Variants in ADAMTS17 observed in about 807,000 individuals in gnomAD.
ADAMTS17 encodes the protein ADAM metallopeptidase with thrombospondin type 1 motif 17.
In ADAMTS17, 113 loss-of-function variants were observed where a neutral mutation model predicts 141.5. That is an observed-to-expected ratio of 0.80 (90% CI 0.69 to 0.93). The LOEUF is 0.93. ADAMTS17 is among the 40% of genes least tolerant of loss of function. The pLI is 0.00. For missense variants in ADAMTS17, 1,659 were observed against 1,517.9 expected (o/e 1.09, Z -1.54); for synonymous variants, 768 against 630.6 (o/e 1.22, Z -3.27).
At chr15:100,040,485 A>C (rs1457350347) in intron 18 of ADAMTS17, among the ~76,000 whole-genome samples, 5 of 152,314 alleles carry the variant, frequency 3.3e-5, no homozygotes, top group Non-Finnish European at 7.4e-5. Flanking sequence ...AGTCAAATGG[A>C]AACATCAAGT....
At chr15:100,318,386 T>TG (rs1187397617) in intron 3 of ADAMTS17, among the ~76,000 whole-genome samples, 1 of 151,826 alleles carries the variant, frequency 6.6e-6, no homozygotes, top group Non-Finnish European at 1.5e-5. Flanking sequence ...GTGAAGCCTT[T>TG]GGGAGGTGAT....
intron 8 of ADAMTS17, among the ~76,000 whole-genome samples, chr15:100,166,030 A>T (rs2039938616): frequency 1.3e-5 from 2 of 152,202 alleles, no homozygotes; most frequent in African/African-American, 2.4e-5. Context: ...GAGAAATCAC[A>T]TCATTAGAAG....
chr15:100,001,172 G>T (rs1412156799), intron 18 of ADAMTS17, among the ~76,000 whole-genome samples: 1 of 152,184 alleles, frequency 6.6e-6, no homozygotes, highest in Non-Finnish European at 1.5e-5. Flanking sequence ...GCTCTCCCCA[G>T]GGTGAGAATG....
chr15:100,036,694 A>C (rs1378530394), intron 18 of ADAMTS17, among the ~76,000 whole-genome samples: 1 of 152,196 alleles, frequency 6.6e-6, no homozygotes, highest in African/African-American at 2.4e-5. Flanking sequence ...TTATTACAAC[A>C]AAAGAAATCC....
At chr15:100,236,554 C>A (rs536966125) in intron 7 of ADAMTS17, among the ~76,000 whole-genome samples, 8 of 151,816 alleles carry the variant, frequency 5.3e-5, no homozygotes, top group African/African-American at 1.7e-4. Context: ...AACAAACAAA[C>A]AAAAAAACGG....
chr15:100,155,030 G>T, intron 9 of ADAMTS17, 150 bp downstream of exon 9: 1 of 1,112,458 alleles, frequency 9.0e-7, no homozygotes, highest in African/African-American at 1.5e-5. Context: ...TGCCATTATA[G>T]GACACTCTGC....
In ADAMTS17 at chr15:100,246,548, C is replaced by T. The variant is rs4602021; in HGVS notation, c.1075+7588G>A. ...TTGGAACAACGAATATGTAATTAAG[C>T]CTTCCCCTTTGTAACCTTCTCAGAG... On this transcript the variant is annotated intron_variant, in intron 7 of 21. Coordinates refer to ENST00000268070, the MANE Select transcript of ADAMTS17 (RefSeq NM_139057.4). 1.9e-3 allele frequency among the ~76,000 whole-genome samples: 291 copies of T among 152,270 alleles called. 7 individuals carry two copies. The East Asian group carries it at 0.048, about 25-fold the overall frequency.
intron 18 of ADAMTS17, among the ~76,000 whole-genome samples, chr15:100,035,140 A>G (rs1346515621): frequency 6.6e-6 from 1 of 152,112 alleles, no homozygotes; most frequent in Non-Finnish European, 1.5e-5. Context: ...AAAGAGCAAT[A>G]CCTTTGAACA....
chr15:100,114,376 T>C (rs1332646005), intron 13 of ADAMTS17, among the ~76,000 whole-genome samples: 1 of 152,108 alleles, frequency 6.6e-6, no homozygotes, highest in African/African-American at 2.4e-5. Flanking sequence ...AAATGGAGTT[T>C]TCAGAGGAAC....
chr15:100,203,322 C>T (rs1004875444), intron 7 of ADAMTS17, among the ~76,000 whole-genome samples: 2 of 152,214 alleles, frequency 1.3e-5, no homozygotes, highest in Non-Finnish European at 2.9e-5. Flanking sequence ...CCTGTAATCC[C>T]AGCACTTTGG....
At chr15:100,027,828 G>A (rs994400872) in intron 18 of ADAMTS17, among the ~76,000 whole-genome samples, 7 of 152,216 alleles carry the variant, frequency 4.6e-5, no homozygotes, top group African/African-American at 1.7e-4. Flanking sequence ...GATCTGTGAG[G>A]ACATCATGCA....
intron 18 of ADAMTS17, among the ~76,000 whole-genome samples, chr15:100,001,215 C>T (rs77311605): frequency 1.3e-5 from 2 of 152,178 alleles, no homozygotes; most frequent in South Asian, 4.1e-4. Context: ...GCCCATTACC[C>T]CTGAATCTAG....
intron 3 of ADAMTS17, among the ~76,000 whole-genome samples, chr15:100,305,620 C>T (rs549177383): frequency 3.9e-5 from 6 of 152,310 alleles, no homozygotes; most frequent in African/African-American, 1.4e-4. Context: ...CTTACACTTG[C>T]CCCAGAGACT....
chr15:100,229,174 T>C (rs2141837516), intron 7 of ADAMTS17, among the ~76,000 whole-genome samples: 1 of 152,242 alleles, frequency 6.6e-6, no homozygotes, highest in South Asian at 2.1e-4. Flanking sequence ...CTGCAGGTGC[T>C]GAGGAGCCAG....
intron 7 of ADAMTS17, among the ~76,000 whole-genome samples, chr15:100,225,909 T>C (rs1037703610): frequency 2.7e-5 from 4 of 149,766 alleles, no homozygotes; most frequent in East Asian, 4.0e-4. Context: ...CTCTGTGCCA[T>C]TCAGTCCTTA....
chr15:100,035,439 G>A (rs953371699), intron 18 of ADAMTS17, among the ~76,000 whole-genome samples: 24 of 152,172 alleles, frequency 1.6e-4, no homozygotes, highest in African/African-American at 5.1e-4. Context: ...TCCTGGCCAC[G>A]ACTTTGGTTA....
In ADAMTS17 at chr15:100,140,561, C is replaced by T. The variant is rs997953997; in HGVS notation, c.1474-7246G>A. 6.1e-5 allele frequency among the ~76,000 whole-genome samples: 9 copies of T among 147,842 alleles called. 1 individual carries two copies. The highest frequency in any genetic ancestry group is 2.5e-5 in the African/African-American group (1 of 40,492). On this transcript the variant is annotated intron_variant, in intron 10 of 21. Transcript: ENST00000268070. The stretch of plus-strand genomic sequence containing the variant: ...TGGGATGAATACTTTCATCTGTAAA[C>T]CAGTGCCTGGCAAGCTAAGCAGTCA...
chr15:100,297,621 A>G (rs1173017740), intron 3 of ADAMTS17, among the ~76,000 whole-genome samples: 3 of 152,166 alleles, frequency 2.0e-5, no homozygotes, highest in Non-Finnish European at 4.4e-5. Context: ...GGACCACTGG[A>G]ATAGGGCCAG....
intron 6 of ADAMTS17, among the ~76,000 whole-genome samples, chr15:100,255,641 C>CACACACACACACACACACACACAG (rs1432309161): frequency 8.6e-4 from 131 of 151,960 alleles, no homozygotes; most frequent in Non-Finnish European, 1.5e-3. Flanking sequence ...CACACACACA[C>CACACACACACACACACACACACAG]AGCTGGCCCA....
Sources: allele counts gnomAD v4.1 joint callset (sites outside exome capture counted in the v4.1 genomes callset), GRCh38; gene constraint gnomAD v4.1.1; transcripts MANE v1.5; gene names NCBI Gene and HGNC (gene_info 2026-07-23, HGNC 2026-07-21).